The following CEP83 variants were observed in gnomAD, a reference collection of about 807,000 sequenced individuals.
CEP83 encodes the protein centrosomal protein of 83 kDa.
In CEP83, 70 loss-of-function variants were observed where a neutral mutation model predicts 101.9. The ratio of observed to expected loss-of-function variants is 0.69; its 90% confidence interval spans 0.57 to 0.84. CEP83 has a LOEUF of 0.84. CEP83 is among the 40% of genes least tolerant of loss of function. The pLI, the probability that CEP83 is intolerant of heterozygous loss-of-function variation, is 0.00. For synonymous variants in CEP83, 264 were observed against 267.9 expected (o/e 0.99, Z 0.14); for missense variants, 715 against 787.2 (o/e 0.91, Z 1.10).
At chr12:94,350,106 A>T (rs1191895804) in intron 11 of CEP83, among the ~76,000 whole-genome samples, 1 of 152,210 alleles carries the variant, frequency 6.6e-6, no homozygotes, top group Non-Finnish European at 1.5e-5. Context: ...AATTGCTATC[A>T]AAATCCCAAT....
At chr12:94,293,047 T>G in the CEP83 span, among the ~76,000 whole-genome samples, 1 of 152,226 alleles carries the variant, frequency 6.6e-6, no homozygotes, top group East Asian at 1.9e-4. Flanking sequence ...TTTGACTGTT[T>G]GGGCTTTTTC....
intron 2 of CEP83, among the ~76,000 whole-genome samples, chr12:94,417,045 G>A (rs1264968110): frequency 6.6e-6 from 1 of 152,162 alleles, no homozygotes; most frequent in Non-Finnish European, 1.5e-5. Flanking sequence ...TAGGCACTAT[G>A]GCTTGTGACT....
the CEP83 span, among the ~76,000 whole-genome samples, chr12:94,272,915 G>T: frequency 6.6e-6 from 1 of 152,310 alleles, no homozygotes; most frequent in South Asian, 2.1e-4. Flanking sequence ...TCTCCTGGGA[G>T]GGCATTCATT....
chr12:94,343,548 G>A (rs1022861014), intron 11 of CEP83, among the ~76,000 whole-genome samples: 1 of 137,526 alleles, frequency 7.3e-6, no homozygotes, highest in African/African-American at 2.8e-5. Context: ...GGACTGCAGT[G>A]GCGCAATCTC....
At chr12:94,423,751 T>C (rs890639563) in intron 2 of CEP83, 26 of 1,613,086 alleles carry the variant, frequency 1.6e-5, no homozygotes, top group Non-Finnish European at 1.9e-5. Flanking sequence ...CTGTTACTTG[T>C]TGAACTGGAA....
chr12:94,428,067 A>G (rs1188430179), intron 2 of CEP83, among the ~76,000 whole-genome samples: 2 of 152,242 alleles, frequency 1.3e-5, no homozygotes, highest in Non-Finnish European at 2.9e-5. Flanking sequence ...GCAATCAACC[A>G]CCAAGCACTC....
At chr12:94,422,972 G>A (rs1372569554) in intron 2 of CEP83, among the ~76,000 whole-genome samples, 7 of 152,206 alleles carry the variant, frequency 4.6e-5, no homozygotes. Flanking sequence ...AAACATTTAA[G>A]AGTGGAATTG....
At chr12:94,340,419 C>A (rs532429014) in intron 11 of CEP83, among the ~76,000 whole-genome samples, 3 of 151,828 alleles carry the variant, frequency 2.0e-5, no homozygotes, top group East Asian at 1.9e-4. Flanking sequence ...GTGAACTAGA[C>A]CCAAACTTGT....
chr12:94,375,578 T>A (rs1408401089), intron 8 of CEP83, among the ~76,000 whole-genome samples: 2 of 152,152 alleles, frequency 1.3e-5, no homozygotes, highest in African/African-American at 4.8e-5. Context: ...ACTGGAATAG[T>A]CACAGTGGAT....
downstream of CEP83, chr12:94,305,220 G>A (rs781262518): frequency 6.2e-7 from 1 of 1,611,322 alleles, no homozygotes; most frequent in Non-Finnish European, 8.5e-7. Context: ...GCTGGAAGAA[G>A]CTCAGAAACA....
At chr12:94,458,312 C>T (rs1213733902) in intron 1 of CEP83, among the ~76,000 whole-genome samples, 3 of 152,080 alleles carry the variant, frequency 2.0e-5, no homozygotes, top group Admixed American at 6.5e-5. Context: ...AAATACAGTC[C>T]GCGCACTTCA....
chr12:94,278,143 A>C, the CEP83 span: 1 of 343,092 alleles, frequency 2.9e-6, no homozygotes, highest in Non-Finnish European at 5.6e-6. Context: ...CGCTCCTTAA[A>C]ACCAAAAAAA....
intron 2 of CEP83, among the ~76,000 whole-genome samples, chr12:94,417,109 T>C (rs1272426889): frequency 6.6e-6 from 1 of 151,512 alleles, no homozygotes; most frequent in Non-Finnish European, 1.5e-5. Context: ...AGACCAGGAG[T>C]TCGAGACCAG....
Position 94,331,789 on chromosome 12 carries a change from G to C in CEP83, c.1618C>G (p.His540Asp). 1.2e-6 allele frequency: 2 copies of C among 1,612,190 alleles called. No homozygotes were observed. Residue 540 changes from histidine to aspartate, a missense_variant, in exon 14 of 17, where the codon CAT becomes GAT. Transcript: ENST00000397809. ...TCTGTGATACGCTCATGAAGCTTATGCTTTTCTTCCAACCACTGTATCTGT... is the reference window on the plus strand; with the variant it reads ...TCTGTGATACGCTCATGAAGCTTATCCTTTTCTTCCAACCACTGTATCTGT... ...EKQIQWLEEK[H>D]KLHERITDRE...
At chr12:94,376,141 C>G (rs987602217) in intron 7 of CEP83, 124 bp from the exon 8 acceptor site, 2 of 533,318 alleles carry the variant, frequency 3.8e-6, no homozygotes, top group South Asian at 1.3e-4. Flanking sequence ...TTAACATATA[C>G]CAATGTAACA....
chr12:94,379,896 G>A (rs78026114), intron 6 of CEP83, among the ~76,000 whole-genome samples: 6,898 of 151,698 alleles, frequency 0.045, 214 homozygotes, highest in Non-Finnish European at 0.072. Flanking sequence ...TTAACCATAC[G>A]CTTCTATTTT....
chr12:94,448,063 A>G (rs1026560118), intron 1 of CEP83, among the ~76,000 whole-genome samples: 1 of 152,200 alleles, frequency 6.6e-6, no homozygotes, highest in Non-Finnish European at 1.5e-5. Context: ...GCTGTCAACA[A>G]GAGATAAATC....
At chr12:94,311,787 A>G (rs962626051) in intron 15 of CEP83, among the ~76,000 whole-genome samples, 5 of 152,260 alleles carry the variant, frequency 3.3e-5, no homozygotes, top group South Asian at 2.1e-4. Flanking sequence ...TGGACACGAC[A>G]TCCAGTAATC....
intron 11 of CEP83, among the ~76,000 whole-genome samples, chr12:94,348,806 C>T (rs934688807): frequency 6.6e-6 from 1 of 152,204 alleles, no homozygotes; most frequent in Non-Finnish European, 1.5e-5. Flanking sequence ...TTCTCTACGA[C>T]AATGTCCAAC....
Sources: allele counts gnomAD v4.1 joint callset (sites outside exome capture counted in the v4.1 genomes callset), GRCh38; gene constraint gnomAD v4.1.1; transcripts MANE v1.5; gene names NCBI Gene and HGNC (gene_info 2026-07-23, HGNC 2026-07-21).